Variants in PIEZO2 observed in about 807,000 individuals in gnomAD.
The protein encoded by PIEZO2 is piezo-type mechanosensitive ion channel component 2.
A neutral mutation model predicts 337.3 loss-of-function variants in PIEZO2; 172 were observed. The observed-to-expected ratio is 0.51, with a 90% confidence interval of 0.45 to 0.58. PIEZO2 has a LOEUF of 0.58. Ranked by LOEUF, PIEZO2 falls within the 20% of genes least tolerant of loss-of-function variation. PIEZO2 has a pLI of 0.00. For synonymous variants in PIEZO2, 1,251 were observed against 1,228.5 expected (o/e 1.02, Z -0.38); for missense variants, 3,028 against 3,391.3 (o/e 0.89, Z 2.66).
chr18:10,918,022 T>C (rs1409798158), intron 3 of PIEZO2, among the ~76,000 whole-genome samples: 4 of 152,196 alleles, frequency 2.6e-5, no homozygotes, highest in African/African-American at 4.8e-5. Context: ...TCTCAATTAA[T>C]AGTGACATTT....
chr18:10,786,755 G>A (rs2039238357), intron 16 of PIEZO2, among the ~76,000 whole-genome samples: 1 of 152,194 alleles, frequency 6.6e-6, no homozygotes, highest in African/African-American at 2.4e-5. Flanking sequence ...CCAATGTGGA[G>A]GGCAGAAAGC....
chr18:11,008,570 C>T (rs988412093), intron 2 of PIEZO2, among the ~76,000 whole-genome samples: 89 of 152,282 alleles, frequency 5.8e-4, no homozygotes, highest in African/African-American at 2.1e-3. Flanking sequence ...CAAAACATGA[C>T]TCGGCTTCTG....
In PIEZO2 at chr18:10,929,646, T is replaced by C. The variant is rs1478351820; in HGVS notation, c.287-18418A>G. On this transcript the variant is annotated intron_variant, in intron 3 of 55. Transcript: ENST00000674853. This position sits in a 1 kb window ranked among gnomAD's most constrained non-coding sequence, Gnocchi z 5.6. ...TCTCGGGTCTCAGGACAGATCCCGC[T>C]ATCCTCTCCCATAACTTAGTCTTTT... Among the ~76,000 whole-genome samples the C allele has an allele frequency of 2.0e-5, 3 of 152,208 alleles. No individual in the cohort carries two copies. Among genetic ancestry groups the C allele is most frequent in the African/African-American group, 7.2e-5 (3 of 41,458 alleles).
At chr18:10,684,122 TTCTC>T (rs1269102649) in intron 49 of PIEZO2, among the ~76,000 whole-genome samples, 63 of 134,176 alleles carry the variant, frequency 4.7e-4, no homozygotes, top group Non-Finnish European at 7.1e-4. Flanking sequence ...CTTTCTTTCT[TTCTC>T]TCTCTCTCTT....
intron 47 of PIEZO2, among the ~76,000 whole-genome samples, chr18:10,694,771 G>T (rs1377747102): frequency 6.6e-6 from 1 of 152,172 alleles, no homozygotes; most frequent in Non-Finnish European, 1.5e-5. Flanking sequence ...GGAGTTCAAG[G>T]TTGCAGTGAG....
At chr18:10,763,120 T>A in intron 21 of PIEZO2, 22 bp from the exon 22 acceptor site, 3 of 1,533,340 alleles carry the variant, frequency 2.0e-6, no homozygotes, top group South Asian at 1.2e-5. Context: ...AAACCAGAAA[T>A]GGGGACAAAA....
At chr18:11,065,994 A>T in intron 2 of PIEZO2, 133 bp downstream of exon 2, 1 of 656,850 alleles carries the variant, frequency 1.5e-6, no homozygotes, top group Non-Finnish European at 2.5e-6. Flanking sequence ...AATGTTTGAC[A>T]CCCACTCCAT....
At chr18:10,722,957 ATTTTTTTTT>A (rs36042609) in intron 36 of PIEZO2, among the ~76,000 whole-genome samples, 10 of 84,336 alleles carry the variant, frequency 1.2e-4, no homozygotes, top group African/African-American at 1.9e-4. Context: ...GGATGCAGTG[ATTTTTTTTT>A]TTTTTTTTTT....
At chr18:10,745,302 C>T (rs533251056) in intron 30 of PIEZO2, among the ~76,000 whole-genome samples, 1 of 152,242 alleles carries the variant, frequency 6.6e-6, no homozygotes, top group African/African-American at 2.4e-5. Flanking sequence ...TCCATCAGTA[C>T]CGAATTCTGT....
intron 1 of PIEZO2, among the ~76,000 whole-genome samples, chr18:11,067,389 A>G (rs1238595356): frequency 2.0e-5 from 3 of 150,330 alleles, no homozygotes; most frequent in Non-Finnish European, 4.4e-5. Context: ...TTTCTTTAAG[A>G]AAAAAAAAAT....
intron 3 of PIEZO2, among the ~76,000 whole-genome samples, chr18:10,957,874 C>T (rs2033609439): frequency 1.3e-5 from 2 of 152,192 alleles, no homozygotes; most frequent in South Asian, 4.1e-4. Context: ...AAACATTTCT[C>T]AGAAGAGATG....
intron 4 of PIEZO2, among the ~76,000 whole-genome samples, chr18:10,905,322 C>A (rs2043148051): frequency 6.6e-6 from 1 of 152,132 alleles, no homozygotes; most frequent in Admixed American, 6.5e-5. Context: ...GTGGTTCACG[C>A]CTGTAATCTC....
chr18:10,990,907 A>T (rs552815242), intron 2 of PIEZO2, among the ~76,000 whole-genome samples: 8 of 152,116 alleles, frequency 5.3e-5, no homozygotes, highest in African/African-American at 1.7e-4. Flanking sequence ...AGTTGACAAT[A>T]TTTTGTGAAA....
chr18:11,051,228 C>G (rs1052199491), intron 2 of PIEZO2, among the ~76,000 whole-genome samples: 1 of 152,080 alleles, frequency 6.6e-6, no homozygotes, highest in Non-Finnish European at 1.5e-5. Flanking sequence ...CAATGTTGTC[C>G]AATCTCAGAC....
At chr18:10,884,212 A>T (rs2042508213) in intron 4 of PIEZO2, among the ~76,000 whole-genome samples, 1 of 152,228 alleles carries the variant, frequency 6.6e-6, no homozygotes, top group South Asian at 2.1e-4. Flanking sequence ...AGATTAATCC[A>T]GTTGTCGCAA....
At chr18:10,785,405 G>A (rs2039183087) in intron 16 of PIEZO2, among the ~76,000 whole-genome samples, 1 of 152,134 alleles carries the variant, frequency 6.6e-6, no homozygotes, top group Non-Finnish European at 1.5e-5. Flanking sequence ...CTTACACCAA[G>A]GACTCAAAGT....
At chr18:11,118,759 G>GAAA (rs11451534) in intron 1 of PIEZO2, among the ~76,000 whole-genome samples, 1 of 150,708 alleles carries the variant, frequency 6.6e-6, no homozygotes, top group African/African-American at 2.4e-5. Context: ...GTTAATTACA[G>GAAA]AAAAAAAAAC....
rs1337007566 is a variant in PIEZO2 at position 11,126,618 on chromosome 18, C to A, written c.64+21907G>T. On this transcript the variant is annotated intron_variant, in intron 1 of 55. Coordinates refer to ENST00000674853, the MANE Select transcript of PIEZO2 (RefSeq NM_001378183.1). The surrounding 1 kb of genome is among the most constrained non-coding windows in gnomAD (Gnocchi z 4.6). Reference sequence around the variant, plus strand: ...TTAAAGAGGATCTCAAGAGCAGGAGCCATGCCTTACATATTTTTTTTTTTT... The same window carrying A: ...TTAAAGAGGATCTCAAGAGCAGGAGACATGCCTTACATATTTTTTTTTTTT... Among the ~76,000 whole-genome samples the A allele has an allele frequency of 6.6e-6, 1 of 151,846 alleles. No individual in the cohort carries two copies. The highest frequency in any genetic ancestry group is 1.5e-5 in the Non-Finnish European group (1 of 67,976).
chr18:11,070,674 G>A lies in PIEZO2; in HGVS notation c.65-4452C>T, dbSNP rs1256065554. Among the ~76,000 whole-genome samples the A allele has an allele frequency of 6.6e-6, 1 of 152,220 alleles. No individual in the cohort carries two copies. The highest frequency in any genetic ancestry group is 1.5e-5 in the Non-Finnish European group (1 of 68,040). The stretch of plus-strand genomic sequence containing the variant: ...GATGTCCTTGCAGGCCCTCGCAGAA[G>A]GGCTTCAGCCCAGAAGGAAGGAAGG... On this transcript the variant is annotated intron_variant, in intron 1 of 55. Coordinates refer to ENST00000674853, the MANE Select transcript of PIEZO2 (RefSeq NM_001378183.1). This position sits in a 1 kb window ranked among gnomAD's most constrained non-coding sequence, Gnocchi z 4.3.
Sources: allele counts gnomAD v4.1 joint callset (sites outside exome capture counted in the v4.1 genomes callset), GRCh38; gene constraint gnomAD v4.1.1; non-coding constraint Gnocchi (gnomAD v3.1); transcripts MANE v1.5; gene names NCBI Gene and HGNC (gene_info 2026-07-23, HGNC 2026-07-21).